R3HDM2: variants seen among roughly 807,000 people sequenced by gnomAD.
The protein encoded by R3HDM2 is R3H domain containing 2, also known as R3H domain-containing protein 2.
Under a neutral mutation model 124.5 loss-of-function variants are expected in R3HDM2, and 38 were observed. The ratio of observed to expected loss-of-function variants is 0.31; its 90% CI spans 0.24 to 0.40. R3HDM2 has a LOEUF of 0.40. Ranked by LOEUF, R3HDM2 falls within the 10% of genes least tolerant of loss-of-function variation. The probability of loss-of-function intolerance (pLI) is 1.00; values close to 1 mark genes in which losing one functional copy is unlikely to be tolerated. For missense variants in R3HDM2, 869 were observed against 1,236.9 expected, an observed-to-expected ratio of 0.70 and a Z score of 4.46; for synonymous variants, 391 against 448.0, an observed-to-expected ratio of 0.87 and a Z score of 1.61.
chr12:57,343,261 G>A (rs2137021346), intron 2 of R3HDM2, among the ~76,000 whole-genome samples: 1 of 149,936 alleles, frequency 6.7e-6, no homozygotes, highest in Non-Finnish European at 1.5e-5. Flanking sequence ...CGCGATCTTG[G>A]CTCACCACAA....
At chr12:57,317,803 C>T (rs1054160614) in intron 2 of R3HDM2, among the ~76,000 whole-genome samples, 6 of 151,742 alleles carry the variant, frequency 4.0e-5, no homozygotes, top group African/African-American at 1.2e-4. Context: ...AGTGAAACCC[C>T]GTCTCTACTA....
intron 3 of R3HDM2, 66 bp from the exon 4 acceptor site, chr12:57,303,283 C>T (rs547742216): frequency 2.2e-6 from 3 of 1,357,714 alleles, no homozygotes; most frequent in East Asian, 5.0e-5. Flanking sequence ...AAAAACAATA[C>T]ATGTTTATAA....
rs2051645713 is a variant in R3HDM2 at position 57,303,125 on chromosome 12, G to A, written c.207+51C>T. On this transcript the variant is annotated intron_variant, in intron 4 of 23. Coordinates refer to ENST00000402412, the MANE Select transcript of R3HDM2 (RefSeq NM_001394031.1). ...AGATATTCATGACAAGTCTACTTGTGAAATGTATTACTAATAACATTAGAA... is the reference window on the plus strand; with the variant it reads ...AGATATTCATGACAAGTCTACTTGTAAAATGTATTACTAATAACATTAGAA... 4.2e-6 allele frequency: 6 copies of A among 1,417,438 alleles called. No individual in the cohort carries two copies. The South Asian group carries it at 6.2e-5, about 15-fold the overall frequency. The allele number at this position is 1,417,438 out of a possible 1,614,324, so 87.8% of individuals were successfully genotyped here.
intron 14 of R3HDM2, chr12:57,272,318 C>A: frequency 1.3e-6 from 1 of 741,140 alleles, no homozygotes. Context: ...TGTGCTGGTC[C>A]CTCAAGAAGA....
At chr12:57,339,304 C>T (rs1242846270) in intron 2 of R3HDM2, among the ~76,000 whole-genome samples, 1 of 152,052 alleles carries the variant, frequency 6.6e-6, no homozygotes, top group Non-Finnish European at 1.5e-5. Context: ...ACCCATTTTA[C>T]AAATGGAGAC....
At chr12:57,341,173 T>C (rs970090844) in intron 2 of R3HDM2, 4 of 152,966 alleles carry the variant, frequency 2.6e-5, no homozygotes, top group African/African-American at 7.2e-5. Context: ...GTTCTTTATC[T>C]TTCCTTATTT....
At chr12:57,333,210 G>A (rs1451180049) in intron 2 of R3HDM2, among the ~76,000 whole-genome samples, 2 of 152,040 alleles carry the variant, frequency 1.3e-5, no homozygotes, top group Non-Finnish European at 2.9e-5. Context: ...AAACAAGCTA[G>A]AGAAGTAAAG....
chr12:57,257,522 C>G (rs1490311768), intron 21 of R3HDM2, among the ~76,000 whole-genome samples: 1 of 152,180 alleles, frequency 6.6e-6, no homozygotes, highest in Non-Finnish European at 1.5e-5. Context: ...CCCCATTTTA[C>G]AGACTAGGAA....
intron 2 of R3HDM2, among the ~76,000 whole-genome samples, chr12:57,371,083 CTTTTTTTTTTTTT>C (rs775839017): frequency 2.0e-4 from 8 of 40,900 alleles, no homozygotes; most frequent in South Asian, 1.7e-3. Context: ...TATACCATTA[CTTTTTTTTTTTTT>C]TTTTTTTTTT....
chr12:57,269,622 C>A, intron 15 of R3HDM2, 130 bp downstream of exon 15: 1 of 1,475,028 alleles, frequency 6.8e-7, no homozygotes, highest in Admixed American at 2.1e-5. Flanking sequence ...GACTTTCTGG[C>A]TAGAACAACT....
rs774446045 is a variant in R3HDM2 at position 57,310,339 on chromosome 12, C to T, written c.90G>A (p.Lys30=). The T allele has an allele frequency of 1.1e-4, 166 of 1,549,466 alleles. No individual in the cohort carries two copies. Among genetic ancestry groups the T allele is most frequent in the Non-Finnish European group, 1.3e-4 (152 of 1,146,054 alleles). Residue 30 remains lysine, a synonymous_variant, in exon 3 of 24, where the codon AAG becomes AAA. Coordinates refer to ENST00000402412, the MANE Select transcript of R3HDM2 (RefSeq NM_001394031.1). The part of the protein sequence containing the change: ...KLVEESVNKN[K]FISKTPSKEE... ...CCTTACTTGGAGTCTTAGATATAAA[C>T]TTGTTTTTGTTTACAGATTCTTCCA...
chr12:57,375,699 A>G (rs1280035140), intron 2 of R3HDM2, among the ~76,000 whole-genome samples: 19 of 142,954 alleles, frequency 1.3e-4, no homozygotes, highest in Admixed American at 4.3e-4. Context: ...TTTGAGACGG[A>G]GTCTTGCTCT....
chr12:57,367,617 G>A (rs1208588304), intron 2 of R3HDM2, among the ~76,000 whole-genome samples: 1 of 152,114 alleles, frequency 6.6e-6, no homozygotes, highest in Non-Finnish European at 1.5e-5. Context: ...CTTTCTTCAG[G>A]CTGAAAGGTG....
At chr12:57,330,997 C>T (rs546766183) in intron 2 of R3HDM2, among the ~76,000 whole-genome samples, 27 of 151,906 alleles carry the variant, frequency 1.8e-4, no homozygotes, top group African/African-American at 4.8e-4. Context: ...CGTGCCCGGC[C>T]GGAATCTTTA....
rs117632231 is a variant in R3HDM2 at position 57,409,169 on chromosome 12, C to T, written c.-105-13351G>A. On this transcript the variant is annotated intron_variant, in intron 1 of 23. Transcript: ENST00000402412. ...CTCCTAATGATCCCAAGTACCTTAT[C>T]TGACACTCAAGTTGTCTCAAAAAAC... Among the ~76,000 whole-genome samples the T allele has an allele frequency of 7.2e-4, 109 of 152,246 alleles. 1 individual carries two copies. The East Asian group carries it at 0.018, about 26-fold the overall frequency.
chr12:57,393,814 CA>C (rs1247227820), intron 2 of R3HDM2, among the ~76,000 whole-genome samples: 2 of 152,194 alleles, frequency 1.3e-5, no homozygotes, highest in Non-Finnish European at 2.9e-5. Context: ...GAAAGCGGCA[CA>C]AGTGTCTTAT....
At chr12:57,264,620 ATT>A (rs549188071) in intron 19 of R3HDM2, among the ~76,000 whole-genome samples, 63 of 137,302 alleles carry the variant, frequency 4.6e-4, no homozygotes, top group Admixed American at 7.3e-4. Context: ...TTCCTTCCAG[ATT>A]TTTTTTTTTT....
At chr12:57,272,358 C>A in intron 14 of R3HDM2, 3 of 1,078,454 alleles carry the variant, frequency 2.8e-6, no homozygotes, top group Non-Finnish European at 4.2e-6. Flanking sequence ...TCCAAAAGCA[C>A]AACATGCTTA....
At chr12:57,384,952 G>C (rs558539932) in intron 2 of R3HDM2, among the ~76,000 whole-genome samples, 1 of 152,194 alleles carries the variant, frequency 6.6e-6, no homozygotes, top group East Asian at 1.9e-4. Context: ...TTCAAGACCA[G>C]CCTGGCCAAA....
Sources: allele counts gnomAD v4.1 joint callset (sites outside exome capture counted in the v4.1 genomes callset), GRCh38; gene constraint gnomAD v4.1.1; transcripts MANE v1.5; gene names NCBI Gene and HGNC (gene_info 2026-07-23, HGNC 2026-07-21).